Variants in PCYT1B observed in about 807,000 individuals in gnomAD.
PCYT1B encodes phosphate cytidylyltransferase 1B, choline, also known as choline-phosphate cytidylyltransferase B.
Under a neutral mutation model 26.4 loss-of-function variants are expected in PCYT1B, and 10 were observed. The observed-to-expected ratio is 0.38, with a 90% CI of 0.23 to 0.64. The LOEUF (loss-of-function observed/expected upper bound fraction) is 0.64, where lower values mean the gene tolerates loss of function less well. Among genes scored for constraint, PCYT1B ranks in the 30% least tolerant of loss-of-function variants. The pLI, the probability that PCYT1B is intolerant of heterozygous loss-of-function variation, is 0.56. For synonymous variants in PCYT1B, 131 were observed against 108.4 expected, an observed-to-expected ratio of 1.21 and a Z score of -1.29; for missense variants, 161 against 292.7, an observed-to-expected ratio of 0.55 and a Z score of 3.28.
At chrX:24,600,386 T>C (rs1334832377) in intron 3 of PCYT1B, among the ~76,000 whole-genome samples, 1 of 110,454 alleles carries the variant, frequency 9.1e-6, no homozygotes, top group African/African-American at 3.3e-5. Flanking sequence ...ACTCCCAAAA[T>C]TGGAGAGAGA....
intron 1 of PCYT1B, among the ~76,000 whole-genome samples, chrX:24,637,732 A>C (rs1395378750): frequency 1.9e-5 from 2 of 106,917 alleles, no homozygotes; most frequent in East Asian, 6.1e-4. Flanking sequence ...TACTTATAAC[A>C]TGAGGAATAG....
intron 7 of PCYT1B, among the ~76,000 whole-genome samples, chrX:24,568,666 G>C (rs1014156179): frequency 3.6e-5 from 4 of 111,965 alleles, no homozygotes; most frequent in African/African-American, 9.7e-5. Context: ...GTCCCAGAGA[G>C]GCAAATGAAC....
chrX:24,663,491 T>C (rs1927067558), intron 1 of PCYT1B, among the ~76,000 whole-genome samples: 1 of 112,846 alleles, frequency 8.9e-6, no homozygotes, highest in African/African-American at 3.2e-5. Flanking sequence ...TGCTTTTCAA[T>C]ACAGAAATGC....
In PCYT1B at chrX:24,663,232, C is replaced by T; in HGVS notation, c.63+9338G>A. Among the ~76,000 whole-genome samples, 3 of 112,395 alleles carry T rather than the reference C, an allele frequency of 2.7e-5. No homozygotes were observed. In the South Asian group the frequency reaches 1.1e-3, roughly 41 times the overall value. ...TTTTAGATGTATGACATTTTAAGTA[C>T]ATATACTGAGGCAATATGCACAAAT... On this transcript the variant is annotated intron_variant, in intron 1 of 7. Transcript: ENST00000379145.
At chrX:24,645,824 C>T (rs1208839075) in intron 1 of PCYT1B, among the ~76,000 whole-genome samples, 1 of 111,840 alleles carries the variant, frequency 8.9e-6, no homozygotes, top group Non-Finnish European at 1.9e-5. Context: ...ATAACTTCCT[C>T]TGTATTTGTG....
intron 3 of PCYT1B, among the ~76,000 whole-genome samples, chrX:24,593,433 CTTTCTTTCTTTCT>C (rs1213825155): frequency 8.3e-4 from 55 of 66,396 alleles, no homozygotes; most frequent in Middle Eastern, 8.6e-3. Flanking sequence ...TCTTTCTTTC[CTTTCTTTCTTTCT>C]TTTCTTTTCT....
intron 1 of PCYT1B, among the ~76,000 whole-genome samples, chrX:24,665,063 G>A (rs1383433102): frequency 9.0e-6 from 1 of 111,707 alleles, no homozygotes; most frequent in African/African-American, 3.3e-5. Context: ...TATTCAAAGT[G>A]TTTTGAAGAT....
intron 2 of PCYT1B, among the ~76,000 whole-genome samples, chrX:24,616,254 A>ATTGTT (rs1569248437): frequency 3.8e-5 from 2 of 53,098 alleles, no homozygotes; most frequent in Non-Finnish European, 6.4e-5. Flanking sequence ...TTTTTTTTTA[A>ATTGTT]AAAAACAGAG....
At chrX:24,665,858 T>G (rs1229004419) in intron 1 of PCYT1B, among the ~76,000 whole-genome samples, 1 of 110,733 alleles carries the variant, frequency 9.0e-6, no homozygotes, top group African/African-American at 3.3e-5. Context: ...CTTACCTATC[T>G]CTCTTCGAGG....
intron 1 of PCYT1B, among the ~76,000 whole-genome samples, chrX:24,666,636 T>TGA (rs1167246410): frequency 1.1e-4 from 11 of 100,302 alleles, no homozygotes; most frequent in African/African-American, 2.6e-4. Flanking sequence ...TGTGTGTGTG[T>TGA]GAGAGCGAGA....
At chrX:24,658,506 CTTT>C (rs1203809740) in intron 1 of PCYT1B, among the ~76,000 whole-genome samples, 52 of 58,834 alleles carry the variant, frequency 8.8e-4, no homozygotes, top group Non-Finnish European at 3.8e-4. Context: ...TGTTTCATTG[CTTT>C]TTTTTTTTTT....
rs749480062 is a variant in PCYT1B at position 24,661,227 on chromosome X, T to C, written c.63+11343A>G. On this transcript the variant is annotated intron_variant, in intron 1 of 7. Coordinates refer to the PCYT1B transcript ENST00000379145. ...AACCCCTAAGCCTCATTTGTCTGCA[T>C]TGAAGGATGCTAGAGAAAAACACAT... Among the ~76,000 whole-genome samples, 4 of 112,015 alleles carry C rather than the reference T, an allele frequency of 3.6e-5. No homozygotes were observed. In the South Asian group the frequency reaches 1.5e-3, roughly 42 times the overall value.
chrX:24,649,141 G>T (rs760096567), upstream of PCYT1B, among the ~76,000 whole-genome samples: 1 of 111,176 alleles, frequency 9.0e-6, no homozygotes, highest in Admixed American at 9.6e-5. Context: ...TGCCCTCCTG[G>T]AAGCACAAAA....
upstream of PCYT1B, among the ~76,000 whole-genome samples, chrX:24,650,314 T>C (rs1926736412): frequency 2.1e-5 from 2 of 95,051 alleles, no homozygotes; most frequent in East Asian, 3.8e-4. Flanking sequence ...AATTATTATG[T>C]AGCTTTTTTT....
At chrX:24,648,449 A>ATTTTTTTTTTT (rs57744798), upstream of PCYT1B, among the ~76,000 whole-genome samples, 50 of 39,721 alleles carry the variant, frequency 1.3e-3, 11 homozygotes, top group African/African-American at 6.7e-3. Flanking sequence ...ATTTGAAGGA[A>ATTTTTTTTTTT]TTTTTTTTTT....
intron 1 of PCYT1B, among the ~76,000 whole-genome samples, chrX:24,620,991 T>C (rs1291448276): frequency 8.9e-6 from 1 of 112,307 alleles, no homozygotes; most frequent in African/African-American, 3.2e-5. Flanking sequence ...CAACTTTCCA[T>C]TGTGCCTTTC....
In PCYT1B at chrX:24,587,330, G is replaced by A; in HGVS notation, c.487-11C>T. The A allele has an allele frequency of 8.8e-7, 1 of 1,136,280 alleles. No homozygotes were observed. Among genetic ancestry groups the A allele is most frequent in the Non-Finnish European group, 1.2e-6 (1 of 826,912 alleles). The allele number at this position is 1,136,280 out of a possible 1,213,427, so 93.6% of individuals were successfully genotyped here. Reference sequence around the variant, plus strand: ...AGCCACAAAGTCAATCTGTTGAAGAGAGAGAAGAGTGATGTCACCACTGGG... The same window carrying A: ...AGCCACAAAGTCAATCTGTTGAAGAAAGAGAAGAGTGATGTCACCACTGGG... On this transcript the variant is annotated splice_polypyrimidine_tract_variant and intron_variant, in intron 4 of 7. Coordinates refer to ENST00000379144, the MANE Select transcript of PCYT1B (RefSeq NM_004845.5).
intron 3 of PCYT1B, among the ~76,000 whole-genome samples, chrX:24,601,200 C>G (rs1046979586): frequency 1.8e-5 from 2 of 111,784 alleles, no homozygotes; most frequent in Non-Finnish European, 3.8e-5. Flanking sequence ...GGAAACAAGG[C>G]ATAGACTGGG....
chrX:24,670,735 A>G (rs981347934), intron 1 of PCYT1B, among the ~76,000 whole-genome samples: 4 of 111,560 alleles, frequency 3.6e-5, no homozygotes, highest in Non-Finnish European at 7.5e-5. Flanking sequence ...ATACAATTAC[A>G]TAAAATAAGC....
Sources: allele counts gnomAD v4.1 joint callset (sites outside exome capture counted in the v4.1 genomes callset), GRCh38; gene constraint gnomAD v4.1.1; transcripts MANE v1.5; gene names NCBI Gene and HGNC (gene_info 2026-07-23, HGNC 2026-07-21).